SPOCK3: variants seen among roughly 807,000 people sequenced by gnomAD.
The protein encoded by SPOCK3 is testican-3.
In SPOCK3, 30 loss-of-function variants were observed where a neutral mutation model predicts 56.6. The observed-to-expected ratio is 0.53, with a 90% CI of 0.40 to 0.72. The LOEUF (loss-of-function observed/expected upper bound fraction) is 0.72, where lower values mean the gene tolerates loss of function less well. Among genes scored for constraint, SPOCK3 ranks in the 30% least tolerant of loss-of-function variants. The probability of loss-of-function intolerance (pLI) is 0.00; values close to 1 mark genes in which losing one functional copy is unlikely to be tolerated. For synonymous variants in SPOCK3, 196 were observed against 183.3 expected (o/e 1.07, Z -0.56); for missense variants, 527 against 530.0 (o/e 0.99, Z 0.06).
chr4:166,769,104 G>T (rs973889047), intron 7 of SPOCK3, among the ~76,000 whole-genome samples: 1 of 148,602 alleles, frequency 6.7e-6, no homozygotes, highest in African/African-American at 2.6e-5. Context: ...TTTTTTCAAG[G>T]TTTTTAGCTT....
chr4:166,755,272 T>C (rs1169361669), intron 7 of SPOCK3, among the ~76,000 whole-genome samples: 2 of 152,124 alleles, frequency 1.3e-5, no homozygotes, highest in African/African-American at 4.8e-5. Flanking sequence ...CATCATGTAA[T>C]TTACACAGCC....
intron 2 of SPOCK3, among the ~76,000 whole-genome samples, chr4:167,210,599 A>G (rs958865257): frequency 6.6e-6 from 1 of 152,202 alleles, no homozygotes; most frequent in Admixed American, 6.5e-5. Context: ...TGTATTTAGC[A>G]AAGAAGGACT....
intron 4 of SPOCK3, among the ~76,000 whole-genome samples, chr4:166,929,687 A>G (rs1739510556): frequency 6.6e-6 from 1 of 152,150 alleles, no homozygotes; most frequent in Non-Finnish European, 1.5e-5. Context: ...GTGTTGCTTC[A>G]TTTAAGTATA....
At chr4:166,754,194 A>G in intron 8 of SPOCK3, 1 of 1,049,526 alleles carries the variant, frequency 9.5e-7, no homozygotes, top group Non-Finnish European at 1.1e-6. Flanking sequence ...TAGCAAATTA[A>G]TTTTAATGAT....
intron 3 of SPOCK3, among the ~76,000 whole-genome samples, chr4:167,056,995 A>T (rs1169905038): frequency 6.6e-6 from 1 of 152,180 alleles, no homozygotes; most frequent in Non-Finnish European, 1.5e-5. Context: ...CAGGTTCACC[A>T]AAGTTGAAAT....
intron 5 of SPOCK3, among the ~76,000 whole-genome samples, chr4:166,911,299 C>T (rs935986847): frequency 6.6e-6 from 1 of 152,072 alleles, no homozygotes; most frequent in Middle Eastern, 3.2e-3. Context: ...TGCACTTTCC[C>T]AGATTTGTAA....
intron 2 of SPOCK3, among the ~76,000 whole-genome samples, chr4:167,229,107 G>A (rs966813672): frequency 6.6e-6 from 1 of 152,152 alleles, no homozygotes; most frequent in African/African-American, 2.4e-5. Context: ...GTTTCATAGT[G>A]AGAAACACTG....
chr4:167,097,394 A>G (rs1759253266), intron 2 of SPOCK3, among the ~76,000 whole-genome samples: 1 of 151,086 alleles, frequency 6.6e-6, no homozygotes, highest in Admixed American at 6.6e-5. Flanking sequence ...TTTTCTTGAC[A>G]TTAGGCTTCT....
intron 2 of SPOCK3, among the ~76,000 whole-genome samples, chr4:167,206,450 ATTC>A (rs1425606407): frequency 1.6e-4 from 25 of 152,136 alleles, no homozygotes; most frequent in Non-Finnish European, 2.2e-4. Flanking sequence ...TTAATGAATT[ATTC>A]TTATTAAATG....
chr4:167,011,202 A>C (rs1039076044), intron 3 of SPOCK3: 26 of 445,460 alleles, frequency 5.8e-5, no homozygotes, highest in African/African-American at 4.7e-4. Flanking sequence ...AATACAAAAA[A>C]AAATGCGGGA....
intron 2 of SPOCK3, among the ~76,000 whole-genome samples, chr4:167,081,628 T>C (rs927414057): frequency 1.3e-5 from 2 of 152,034 alleles, no homozygotes; most frequent in Non-Finnish European, 2.9e-5. Flanking sequence ...AATCTCTGTC[T>C]GGAGAATTCA....
At chr4:167,121,536 T>C (rs1455066422) in intron 2 of SPOCK3, among the ~76,000 whole-genome samples, 1 of 151,622 alleles carries the variant, frequency 6.6e-6, no homozygotes, top group Non-Finnish European at 1.5e-5. Flanking sequence ...AATCAAGTGA[T>C]AGGAAGCAAT....
At chr4:166,787,568 T>C (rs534214410) in intron 7 of SPOCK3, among the ~76,000 whole-genome samples, 6 of 152,206 alleles carry the variant, frequency 3.9e-5, no homozygotes, top group Admixed American at 3.3e-4. Context: ...CAACATTTAA[T>C]AAAAAACACA....
chr4:167,036,263 G>A (rs539726916), intron 3 of SPOCK3, among the ~76,000 whole-genome samples: 4 of 152,078 alleles, frequency 2.6e-5, no homozygotes, highest in Non-Finnish European at 5.9e-5. Flanking sequence ...CTGATCATTT[G>A]ACTTCACAGT....
At position 167,012,177 on chromosome 4, in the gene SPOCK3, T is replaced by C. The variant is rs574152901; in HGVS notation, c.236-11714A>G. ...AAAGAAAGATGCATACAAACACAAA[T>C]ATCAGTGAATAAAGGTACAAGCAGT... On this transcript the variant is annotated intron_variant, in intron 3 of 10. Coordinates refer to ENST00000357545, the MANE Select transcript of SPOCK3 (RefSeq NM_001040159.2). Among the ~76,000 whole-genome samples the C allele has an allele frequency of 5.3e-5, 8 of 152,014 alleles. No individual in the cohort carries two copies. The East Asian group carries it at 1.5e-3, about 29-fold the overall frequency.
At chr4:166,906,470 T>C (rs2127075213) in intron 5 of SPOCK3, among the ~76,000 whole-genome samples, 1 of 141,174 alleles carries the variant, frequency 7.1e-6, no homozygotes, top group South Asian at 2.3e-4. Context: ...ATGCCTGGCC[T>C]GGTTGGCTAC....
At chr4:166,741,933 T>G (rs1387261206) in intron 9 of SPOCK3, 64 bp downstream of exon 9, 6 of 1,106,338 alleles carry the variant, frequency 5.4e-6, no homozygotes, top group Non-Finnish European at 8.2e-6. Flanking sequence ...GATTTTATGT[T>G]GCTGTTTCCC....
At chr4:166,979,820 G>A (rs1746379409) in intron 4 of SPOCK3, among the ~76,000 whole-genome samples, 1 of 152,116 alleles carries the variant, frequency 6.6e-6, no homozygotes, top group Non-Finnish European at 1.5e-5. Context: ...CTATCTCCAA[G>A]CTGAGCTCTT....
At chr4:167,010,558 ATTCT>A (rs750076232) in intron 3 of SPOCK3, among the ~76,000 whole-genome samples, 20 of 150,464 alleles carry the variant, frequency 1.3e-4, no homozygotes, top group Non-Finnish European at 2.4e-4. Flanking sequence ...CATCCATATT[ATTCT>A]TTAAGATACA....
Sources: allele counts gnomAD v4.1 joint callset (sites outside exome capture counted in the v4.1 genomes callset), GRCh38; gene constraint gnomAD v4.1.1; transcripts MANE v1.5; gene names NCBI Gene and HGNC (gene_info 2026-07-23, HGNC 2026-07-21).